Variants in SEL1L2 observed in about 807,000 individuals in gnomAD.
SEL1L2 encodes SEL1L2 adaptor subunit of SYVN1 ubiquitin ligase, also known as protein sel-1 homolog 2.
Under a neutral mutation model 98.8 loss-of-function variants are expected in SEL1L2, and 89 were observed. That is an observed-to-expected ratio of 0.90 (90% CI 0.76 to 1.07). The LOEUF (loss-of-function observed/expected upper bound fraction) is 1.07, where lower values mean the gene tolerates loss of function less well. Among genes scored for constraint, SEL1L2 ranks in the 50% least tolerant of loss-of-function variants. The pLI is 0.00. For missense variants in SEL1L2, 788 were observed against 812.0 expected (o/e 0.97, Z 0.36); for synonymous variants, 262 against 278.5 (o/e 0.94, Z 0.59).
rs373129609 is a variant in SEL1L2, at chr20:13,931,795, C to T, written c.115-24G>A. On this transcript the variant is annotated intron_variant, in intron 2 of 19. Transcript: ENST00000284951. ...ACCTACAAAGAAAAAGACTGTTGCT[C>T]ATTTTGTTCATGTGTGAGTTTTTTT... is the stretch of plus-strand genomic sequence containing the variant. 3.4e-6 allele frequency: 5 copies of T among 1,468,548 alleles called. No homozygotes were observed. The African/African-American group carries it at 7.3e-5, about 21-fold the overall frequency. 91.0% of individuals were successfully genotyped at this position (1,468,548 alleles called of 1,614,324 possible).
chr20:13,870,922 CAAAA>C (rs534578783), intron 12 of SEL1L2, among the ~76,000 whole-genome samples: 2 of 53,192 alleles, frequency 3.8e-5, no homozygotes. Flanking sequence ...AACTCCATCT[CAAAA>C]AAAAAAAAAA....
At chr20:13,879,471 C>T (rs987108317) in intron 10 of SEL1L2, among the ~76,000 whole-genome samples, 3 of 152,078 alleles carry the variant, frequency 2.0e-5, no homozygotes, top group East Asian at 1.9e-4. Context: ...CCTGCCTCGG[C>T]TTCCTGAGTA....
intron 18 of SEL1L2, among the ~76,000 whole-genome samples, chr20:13,851,097 T>A (rs1175741718): frequency 6.6e-6 from 1 of 151,846 alleles, no homozygotes; most frequent in Admixed American, 6.6e-5. Context: ...AGTAGTCAGG[T>A]GTGGTGGTGC....
chr20:13,889,748 G>A (rs545384891), intron 5 of SEL1L2, among the ~76,000 whole-genome samples: 18 of 152,174 alleles, frequency 1.2e-4, no homozygotes, highest in East Asian at 7.7e-4. Context: ...CCAAGATCGC[G>A]CCACTGCACT....
intron 2 of SEL1L2, among the ~76,000 whole-genome samples, chr20:13,954,180 G>T (rs998696625): frequency 2.0e-5 from 3 of 152,114 alleles, no homozygotes; most frequent in Non-Finnish European, 4.4e-5. Flanking sequence ...CTCCACTTAG[G>T]TGAGTGTGTT....
chr20:13,942,296 T>G (rs1306348561), intron 2 of SEL1L2, among the ~76,000 whole-genome samples: 1 of 152,172 alleles, frequency 6.6e-6, no homozygotes, highest in Non-Finnish European at 1.5e-5. Context: ...ACTATATTTC[T>G]AAAGAGTATG....
chr20:13,866,495 G>A (rs1400518356), intron 15 of SEL1L2, among the ~76,000 whole-genome samples: 1 of 152,208 alleles, frequency 6.6e-6, no homozygotes, highest in Non-Finnish European at 1.5e-5. Flanking sequence ...ATGTCAGAGA[G>A]AGGAGAGATC....
At chr20:13,873,493 C>T (rs1236498182) in intron 12 of SEL1L2, among the ~76,000 whole-genome samples, 3 of 152,042 alleles carry the variant, frequency 2.0e-5, no homozygotes, top group Non-Finnish European at 4.4e-5. Context: ...TCCTGAGTAG[C>T]TGGGACTATA....
At chr20:13,955,924 G>T in intron 2 of SEL1L2, 152 bp downstream of exon 2, 1 of 569,812 alleles carries the variant, frequency 1.8e-6, no homozygotes, top group Non-Finnish European at 3.1e-6. Flanking sequence ...GGTTGACTAA[G>T]CAAATGTTTG....
At chr20:13,857,231 T>C (rs1989306923) in intron 18 of SEL1L2, among the ~76,000 whole-genome samples, 1 of 150,054 alleles carries the variant, frequency 6.7e-6, no homozygotes, top group Admixed American at 6.6e-5. Context: ...GTAGAGACTT[T>C]CTGTAGGAAA....
intron 12 of SEL1L2, among the ~76,000 whole-genome samples, chr20:13,875,549 C>T (rs565606406): frequency 3.3e-5 from 5 of 152,240 alleles, no homozygotes; most frequent in Middle Eastern, 3.2e-3. Context: ...TATTCTCAGT[C>T]GCCTTGCCCT....
rs1178605800 is a variant in SEL1L2, at chr20:13,849,416, C to T, written c.*69G>A. On this transcript the variant is annotated 3_prime_UTR_variant, in exon 20 of 20. Transcript: ENST00000284951. The stretch of plus-strand genomic sequence containing the variant: ...GCGGACTCTTGATTTGGATGGGAAA[C>T]TGTTTATTTAGTGGGGATACCTTGG... The T allele has an allele frequency of 6.4e-7, 1 of 1,572,228 alleles. No homozygotes were observed. Among genetic ancestry groups the T allele is most frequent in the Non-Finnish European group, 8.7e-7 (1 of 1,154,676 alleles).
At chr20:13,902,945 G>A (rs867122839) in intron 5 of SEL1L2, among the ~76,000 whole-genome samples, 9 of 151,764 alleles carry the variant, frequency 5.9e-5, no homozygotes, top group South Asian at 2.1e-4. Context: ...GTGAAACCCC[G>A]TCTCTACTAA....
At chr20:13,926,126 G>GGCTAGTAC (rs1472198454) in intron 3 of SEL1L2, among the ~76,000 whole-genome samples, 2 of 152,166 alleles carry the variant, frequency 1.3e-5, no homozygotes, top group African/African-American at 2.4e-5. Flanking sequence ...AGACCATCCT[G>GGCTAGTAC]GCTAGTACGG....
chr20:13,946,161 TA>T (rs964766190), intron 2 of SEL1L2, among the ~76,000 whole-genome samples: 119 of 151,274 alleles, frequency 7.9e-4, no homozygotes, highest in African/African-American at 2.5e-3. Context: ...GGAAAAGTTA[TA>T]AAAAAAAAGT....
intron 14 of SEL1L2, among the ~76,000 whole-genome samples, chr20:13,867,888 T>A (rs1357924216): frequency 6.6e-6 from 1 of 152,120 alleles, no homozygotes; most frequent in Non-Finnish European, 1.5e-5. Flanking sequence ...CAGGTGCTCC[T>A]GCTGGGCCAC....
intron 12 of SEL1L2, 98 bp downstream of exon 12, chr20:13,875,940 C>G: frequency 1.1e-6 from 1 of 900,156 alleles, no homozygotes; most frequent in Non-Finnish European, 1.9e-6. Flanking sequence ...GGCCCATTAT[C>G]TGGGCTTGGG....
intron 1 of SEL1L2, among the ~76,000 whole-genome samples, chr20:13,977,876 G>GAT (rs1569077135): frequency 6.6e-6 from 1 of 151,918 alleles, no homozygotes; most frequent in East Asian, 1.9e-4. Flanking sequence ...TAAATAAAAA[G>GAT]ATATATTCAT....
intron 2 of SEL1L2, among the ~76,000 whole-genome samples, chr20:13,937,857 C>T (rs1254103571): frequency 6.6e-6 from 1 of 152,106 alleles, no homozygotes; most frequent in African/African-American, 2.4e-5. Flanking sequence ...ACGTGTTTCA[C>T]AGGAGAAACT....
Sources: allele counts gnomAD v4.1 joint callset (sites outside exome capture counted in the v4.1 genomes callset), GRCh38; gene constraint gnomAD v4.1.1; transcripts MANE v1.5; gene names NCBI Gene and HGNC (gene_info 2026-07-23, HGNC 2026-07-21).